The following TADA2A variants were observed in gnomAD, a reference collection of about 807,000 sequenced individuals.
The protein encoded by TADA2A is transcriptional adapter 2-alpha.
A neutral mutation model predicts 67.4 loss-of-function variants in TADA2A; 38 were observed. That is an observed-to-expected ratio of 0.56 (90% CI 0.44 to 0.74). The LOEUF (loss-of-function observed/expected upper bound fraction) is 0.74, where lower values mean the gene tolerates loss of function less well. Ranked by LOEUF, TADA2A falls within the 30% of genes least tolerant of loss-of-function variation. TADA2A has a pLI of 0.00. For missense variants in TADA2A, 454 were observed against 547.0 expected (o/e 0.83, Z 1.70); for synonymous variants, 192 against 181.6 (o/e 1.06, Z -0.46).
chr17:37,426,915 T>C (rs762097056), intron 3 of TADA2A, 35 bp from the exon 4 acceptor site: 4 of 1,576,904 alleles, frequency 2.5e-6, no homozygotes, highest in African/African-American at 2.7e-5. Flanking sequence ...TTTAAGAAAG[T>C]AGCTTTTGCT....
At chr17:37,453,348 T>C (rs1428116006) in intron 8 of TADA2A, among the ~76,000 whole-genome samples, 1 of 152,212 alleles carries the variant, frequency 6.6e-6, no homozygotes, top group East Asian at 1.9e-4. Flanking sequence ...AAAGAAATTA[T>C]TGATTCTAAT....
At chr17:37,417,801 C>T (rs891728692) in intron 2 of TADA2A, among the ~76,000 whole-genome samples, 5 of 152,082 alleles carry the variant, frequency 3.3e-5, no homozygotes, top group Non-Finnish European at 1.5e-5. Context: ...TCCCAAAGTG[C>T]TGGGATTACA....
chr17:37,474,826 C>T (rs1315097128), intron 15 of TADA2A, among the ~76,000 whole-genome samples, 197 bp downstream of exon 15: 1 of 152,148 alleles, frequency 6.6e-6, no homozygotes. Context: ...ACCTTGTCAC[C>T]CTACCACCAT....
intron 2 of TADA2A, among the ~76,000 whole-genome samples, chr17:37,421,394 A>G (rs1209249451): frequency 2.7e-5 from 4 of 146,264 alleles, no homozygotes; most frequent in African/African-American, 9.9e-5. Context: ...CTCTGTCTCA[A>G]GAAGACCCTG....
rs374738355 is a variant in TADA2A, at chr17:37,444,685, C to G, written c.532-11C>G. 15 of 1,612,528 alleles carry G rather than the reference C, an allele frequency of 9.3e-6. No homozygotes were observed. In the African/African-American group the frequency reaches 1.3e-4, roughly 14 times the overall value. On this transcript the variant is annotated splice_polypyrimidine_tract_variant and intron_variant, in intron 7 of 15. Transcript: ENST00000615182. ...GGTTTGGGGTGGGGATTTTTTTGTTCCCCTAAACAGGAATTTGACAATTAT... is the reference window on the plus strand; with the variant it reads ...GGTTTGGGGTGGGGATTTTTTTGTTGCCCTAAACAGGAATTTGACAATTAT...
chr17:37,441,623 A>G (rs757769294), intron 6 of TADA2A, among the ~76,000 whole-genome samples: 9 of 151,806 alleles, frequency 5.9e-5, no homozygotes, highest in Admixed American at 3.3e-4. Context: ...CATACTCTCT[A>G]GAAACAGTTT....
At chr17:37,458,810 G>A (rs560273355) in intron 9 of TADA2A, among the ~76,000 whole-genome samples, 1 of 152,124 alleles carries the variant, frequency 6.6e-6, no homozygotes, top group South Asian at 2.1e-4. Context: ...CTGAGCATGT[G>A]GGACTACAGC....
chr17:37,439,527 C>T (rs2052834984), intron 5 of TADA2A, among the ~76,000 whole-genome samples: 1 of 152,104 alleles, frequency 6.6e-6, no homozygotes, highest in South Asian at 2.1e-4. Flanking sequence ...AAGCCATCCT[C>T]CCACCTTGGC....
Position 37,479,058 on chromosome 17 carries a change from G to C in TADA2A, c.*2076G>C, listed in dbSNP as rs1006714614. ...TGGGATGCATTAGCCATCAGTGTTA[G>C]GTGACGTCTGTTGTAGTCTGAAGAG... On this transcript the variant is annotated 3_prime_UTR_variant, in exon 16 of 16. Coordinates refer to ENST00000615182, the MANE Select transcript of TADA2A (RefSeq NM_001166105.3). 2.0e-5 allele frequency: 3 copies of C among 152,192 alleles called. No individual in the cohort carries two copies. The highest frequency in any genetic ancestry group is 7.2e-5 in the African/African-American group (3 of 41,440). The allele number at this position is 152,192 out of a possible 1,614,324, so 9.4% of individuals were successfully genotyped here.
At chr17:37,467,178 T>A (rs955694687) in intron 11 of TADA2A, among the ~76,000 whole-genome samples, 4 of 152,116 alleles carry the variant, frequency 2.6e-5, no homozygotes, top group Admixed American at 6.6e-5. Context: ...AAATTGTTAC[T>A]TTTGTAGACA....
intron 4 of TADA2A, among the ~76,000 whole-genome samples, chr17:37,433,925 G>A (rs2052646829): frequency 6.6e-6 from 1 of 151,836 alleles, no homozygotes; most frequent in Admixed American, 6.6e-5. Context: ...CTGCACTCCA[G>A]CCTGGGCTAT....
At chr17:37,460,851 C>T (rs991400258) in intron 9 of TADA2A, among the ~76,000 whole-genome samples, 12 of 151,848 alleles carry the variant, frequency 7.9e-5, no homozygotes, top group African/African-American at 2.7e-4. Context: ...GGAGAGAAGC[C>T]AGGTGTGGTA....
Position 37,437,765 on chromosome 17 carries a change from A to G in TADA2A, c.220A>G (p.Ser74Gly). The change falls in exon 5 of 16, where the codon AGC (serine) becomes GGC (glycine). Residue 74 changes from serine (S) to glycine (G), a missense_variant. By Grantham distance (56) the Ser-to-Gly change is moderately conservative (BLOSUM62 0). Transcript: ENST00000615182. Reference protein sequence around the residue: ...MTSDFPVLDPSWTAQEEMALL... With the variant: ...MTSDFPVLDPGWTAQEEMALL... ...TTCAGATTTTCCTGTCCTTGATCCCAGCTGGACTGCTCAAGAAGAAATGGC... is the reference window on the plus strand; with the variant it reads ...TTCAGATTTTCCTGTCCTTGATCCCGGCTGGACTGCTCAAGAAGAAATGGC... 6.2e-7 allele frequency: 1 copy of G among 1,614,176 alleles called. No homozygotes were observed.
chr17:37,448,690 T>A (rs765010965), intron 8 of TADA2A, among the ~76,000 whole-genome samples: 1 of 152,156 alleles, frequency 6.6e-6, no homozygotes, highest in Non-Finnish European at 1.5e-5. Flanking sequence ...GTCTTCCAAG[T>A]CATTGTTGCC....
intron 2 of TADA2A, among the ~76,000 whole-genome samples, chr17:37,416,600 C>A (rs1162571948): frequency 6.6e-6 from 1 of 152,090 alleles, no homozygotes; most frequent in African/African-American, 2.4e-5. Context: ...CACATGGTGG[C>A]TCACGCCTGT....
intron 8 of TADA2A, among the ~76,000 whole-genome samples, chr17:37,449,391 G>A (rs145984830): frequency 1.5e-3 from 229 of 152,210 alleles, no homozygotes; most frequent in African/African-American, 5.3e-3. Flanking sequence ...AATACATATA[G>A]CATTTACTAT....
At chr17:37,428,041 C>T (rs915008475) in intron 4 of TADA2A, among the ~76,000 whole-genome samples, 2 of 152,102 alleles carry the variant, frequency 1.3e-5, no homozygotes, top group African/African-American at 4.8e-5. Flanking sequence ...ACTAAATCTC[C>T]TACTTCAAGC....
chr17:37,430,249 A>G (rs1055133806), intron 4 of TADA2A, among the ~76,000 whole-genome samples: 1 of 152,152 alleles, frequency 6.6e-6, no homozygotes. Context: ...ATACAATCAC[A>G]TTTCAGAGTA....
chr17:37,474,534 T>C (rs746185618), intron 14 of TADA2A, 22 bp from the exon 15 acceptor site: 65 of 1,610,786 alleles, frequency 4.0e-5, no homozygotes, highest in Non-Finnish European at 4.9e-5. Flanking sequence ...AAATCTATGC[T>C]GTTTCCTTTC....
Sources: gnomAD v4.1 joint callset for allele counts (sites outside exome capture counted in the v4.1 genomes callset) on GRCh38, gnomAD v4.1.1 for gene constraint, MANE v1.5 for transcripts, NCBI Gene and HGNC (gene_info 2026-07-23, HGNC 2026-07-21) for gene names.